Variants in CTNNA2 observed in about 807,000 individuals in gnomAD.
CTNNA2 encodes the protein catenin alpha 2.
In CTNNA2, 42 loss-of-function variants were observed where a neutral mutation model predicts 101.0. That is an observed-to-expected ratio of 0.42 (90% confidence interval 0.32 to 0.54). CTNNA2 has a LOEUF of 0.54. CTNNA2 is among the 20% of genes least tolerant of loss of function. CTNNA2 has a pLI of 0.14. For synonymous variants in CTNNA2, 450 were observed against 456.4 expected (o/e 0.99, Z 0.18); for missense variants, 871 against 1,223.1 (o/e 0.71, Z 4.29).
intron 1 of CTNNA2, among the ~76,000 whole-genome samples, chr2:79,566,418 A>G (rs1675116135): frequency 6.6e-6 from 1 of 152,218 alleles, no homozygotes; most frequent in Non-Finnish European, 1.5e-5. Flanking sequence ...GTTATGAAAA[A>G]TGATTTCATT....
chr2:79,809,543 T>C (rs946392376), intron 3 of CTNNA2, among the ~76,000 whole-genome samples: 7 of 152,226 alleles, frequency 4.6e-5, no homozygotes, highest in African/African-American at 1.7e-4. Context: ...TGACCAGTGA[T>C]GGTGAGCTTT....
intron 2 of CTNNA2, among the ~76,000 whole-genome samples, chr2:79,681,585 A>G (rs148389104): frequency 5.9e-5 from 9 of 152,384 alleles, no homozygotes; most frequent in Admixed American, 4.6e-4. Flanking sequence ...TTATTAGTGC[A>G]TTCTTAGCAG....
At chr2:80,126,626 C>CTTTCCTTCCTTCCTT (rs1702139184) in intron 7 of CTNNA2, among the ~76,000 whole-genome samples, 1 of 27,266 alleles carries the variant, frequency 3.7e-5, no homozygotes, top group African/African-American at 1.7e-4. Context: ...CTCCCTCCCT[C>CTTTCCTTCCTTCCTT]CCTCCCTCCC....
chr2:80,574,433 G>A, intron 13 of CTNNA2, 119 bp downstream of exon 13: 4 of 1,245,300 alleles, frequency 3.2e-6, no homozygotes, highest in South Asian at 2.1e-5. Flanking sequence ...AAGCTGTTTG[G>A]CTCCTTATTA....
At chr2:80,108,919 A>G (rs914423078) in intron 7 of CTNNA2, among the ~76,000 whole-genome samples, 3 of 151,246 alleles carry the variant, frequency 2.0e-5, no homozygotes, top group Non-Finnish European at 4.4e-5. Flanking sequence ...CAAAACACAC[A>G]CCAGTTATTT....
chr2:79,249,532 A>G (rs182950263), intron 2 of CTNNA2, among the ~76,000 whole-genome samples: 27 of 152,322 alleles, frequency 1.8e-4, no homozygotes, highest in East Asian at 1.9e-4. Context: ...TCCAAAATGC[A>G]ATGGGAACTC....
At chr2:79,962,257 G>A (rs10173073) in intron 7 of CTNNA2, among the ~76,000 whole-genome samples, 88,069 of 152,126 alleles carry the variant, frequency 0.58, 25,939 homozygotes, top group East Asian at 0.69. Context: ...GGAGTCTGGC[G>A]ATGGCCTGTT....
chr2:80,647,322 G>GCTAATTACCCTAATGTAATAAT (rs570299151), intron 18 of CTNNA2, among the ~76,000 whole-genome samples: 7,144 of 151,978 alleles, frequency 0.047, 217 homozygotes, highest in South Asian at 0.087. Context: ...TGTCACCATT[G>GCTAATTACCCTAATGTAATAAT]CTAATTACCC....
rs148519343 is a variant in CTNNA2, at chr2:79,806,448, A to G, written c.299-51565A>G. On this transcript the variant is annotated intron_variant, in intron 3 of 18. Coordinates refer to ENST00000402739, the MANE Select transcript of CTNNA2 (RefSeq NM_001282597.3). The stretch of plus-strand genomic sequence containing the variant: ...AAAATAGAGAATGAAGTTTTATGTT[A>G]AAAGAGTTGGCTTGGAGGAGTTACT... Among the ~76,000 whole-genome samples, 637 of 152,250 alleles carry G rather than the reference A, an allele frequency of 4.2e-3. 4 individuals are homozygous for G. Among genetic ancestry groups the G allele is most frequent in the African/African-American group, 0.015 (607 of 41,538 alleles).
At chr2:79,987,431 G>T in intron 7 of CTNNA2, among the ~76,000 whole-genome samples, 1 of 152,156 alleles carries the variant, frequency 6.6e-6, no homozygotes, top group East Asian at 1.9e-4. Flanking sequence ...CTCCTAACGA[G>T]CTAGGTGACC....
At chr2:79,246,943 A>G (rs925907050) in intron 2 of CTNNA2, among the ~76,000 whole-genome samples, 59 of 152,362 alleles carry the variant, frequency 3.9e-4, no homozygotes, top group African/African-American at 1.4e-3. Context: ...AATTTACAGC[A>G]TCCTGGAGAC....
intron 7 of CTNNA2, among the ~76,000 whole-genome samples, chr2:79,989,202 A>C (rs2103883638): frequency 6.6e-6 from 1 of 152,318 alleles, no homozygotes; most frequent in African/African-American, 2.4e-5. Flanking sequence ...AATATAACCC[A>C]AAATACAAAC....
At chr2:80,565,937 A>G (rs1694019670) in intron 12 of CTNNA2, among the ~76,000 whole-genome samples, 1 of 152,144 alleles carries the variant, frequency 6.6e-6, no homozygotes, top group East Asian at 1.9e-4. Flanking sequence ...TAACGTGTAA[A>G]ATTAAATATC....
intron 7 of CTNNA2, among the ~76,000 whole-genome samples, chr2:80,313,177 C>A (rs1480978186): frequency 6.6e-6 from 1 of 152,188 alleles, no homozygotes; most frequent in Admixed American, 6.5e-5. Context: ...TGTAGGAAAT[C>A]CCTCACCATC....
At chr2:79,843,195 A>G (rs776840766) in intron 3 of CTNNA2, among the ~76,000 whole-genome samples, 16 of 152,220 alleles carry the variant, frequency 1.1e-4, no homozygotes, top group Admixed American at 2.6e-4. Flanking sequence ...AGAAGTGTGC[A>G]CTTTGGTGGA....
At chr2:79,488,526 C>T (rs573477525) in intron 4 of CTNNA2, among the ~76,000 whole-genome samples, 1 of 152,220 alleles carries the variant, frequency 6.6e-6, no homozygotes, top group South Asian at 2.1e-4. Context: ...TGGGCATAAA[C>T]TACCAAAATC....
chr2:79,935,922 C>G (rs533226723), intron 7 of CTNNA2, among the ~76,000 whole-genome samples: 1 of 152,280 alleles, frequency 6.6e-6, no homozygotes, highest in South Asian at 2.1e-4. Flanking sequence ...TTTGGACTGT[C>G]AAAGGACATG....
At chr2:80,273,832 C>T (rs1182179412) in intron 7 of CTNNA2, among the ~76,000 whole-genome samples, 1 of 151,956 alleles carries the variant, frequency 6.6e-6, no homozygotes, top group Non-Finnish European at 1.5e-5. Context: ...CTTATGCTAC[C>T]TTTTTTCTGC....
intron 7 of CTNNA2, among the ~76,000 whole-genome samples, chr2:80,144,336 A>C (rs567526624): frequency 1.7e-4 from 26 of 152,326 alleles, no homozygotes; most frequent in African/African-American, 6.3e-4. Flanking sequence ...ACAATACCAG[A>C]AGAAAGCTAT....
Sources: gnomAD v4.1 joint callset for allele counts (sites outside exome capture counted in the v4.1 genomes callset) on GRCh38, gnomAD v4.1.1 for gene constraint, MANE v1.5 for transcripts, NCBI Gene and HGNC (gene_info 2026-07-23, HGNC 2026-07-21) for gene names.